UBR2: variants seen among roughly 807,000 people sequenced by gnomAD.
UBR2 encodes E3 ubiquitin-protein ligase UBR2.
A neutral mutation model predicts 247.9 loss-of-function variants in UBR2; 92 were observed. The observed-to-expected ratio is 0.37, with a 90% CI of 0.31 to 0.44. The LOEUF is 0.44. Among genes scored for constraint, UBR2 ranks in the 20% least tolerant of loss-of-function variants. The pLI is 1.00. For missense variants in UBR2, 1,613 were observed against 2,112.6 expected (o/e 0.76, Z 4.64); for synonymous variants, 672 against 693.5 (o/e 0.97, Z 0.49).
At chr6:42,568,368 G>A (rs1449262508) in intron 1 of UBR2, among the ~76,000 whole-genome samples, 1 of 149,034 alleles carries the variant, frequency 6.7e-6, no homozygotes, top group Non-Finnish European at 1.5e-5. Context: ...TGGATATTTC[G>A]TATAAATGGA....
At chr6:42,571,242 CAAAAAAAAAAAA>C (rs774925925) in intron 1 of UBR2, among the ~76,000 whole-genome samples, 1 of 39,136 alleles carries the variant, frequency 2.6e-5, no homozygotes, top group Non-Finnish European at 4.8e-5. Flanking sequence ...GACTCCGTCT[CAAAAAAAAAAAA>C]AAAAAAAAAA....
chr6:42,670,471 GT>G (rs1412606893), intron 35 of UBR2, among the ~76,000 whole-genome samples, 188 bp from the exon 36 acceptor site: 2 of 152,198 alleles, frequency 1.3e-5, no homozygotes, highest in Non-Finnish European at 2.9e-5. Flanking sequence ...CTTCTTGTCA[GT>G]TGAAGGAATG....
At position 42,642,466 on chromosome 6, in the gene UBR2, T is replaced by C. The variant is rs767468486; in HGVS notation, c.2082T>C (p.Asp694=). 1 of 1,611,218 alleles carries C rather than the reference T, an allele frequency of 6.2e-7. No homozygotes were observed. ...GCAGACGTGAGATGTTTGACAAGGA[T>C]GTAGTAATGCTTCAGGTAATGAATT... ...VKCRREMFDK[D]VVMLQTGVSM... Residue 694 remains aspartate, a synonymous_variant, in exon 18 of 47, where the codon GAT becomes GAC. Transcript: ENST00000372901.
At chr6:42,641,485 TA>T in intron 16 of UBR2, 96 bp from the exon 17 acceptor site, 1 of 767,170 alleles carries the variant, frequency 1.3e-6, no homozygotes, top group Non-Finnish European at 2.1e-6. Flanking sequence ...TTGTGTTTTA[TA>T]AAAGCATTTA....
intron 17 of UBR2, among the ~76,000 whole-genome samples, 193 bp downstream of exon 17, chr6:42,641,885 A>G (rs58401779): frequency 0.015 from 2,345 of 152,348 alleles, 49 homozygotes; most frequent in African/African-American, 0.055. Flanking sequence ...AAAAGTAGAA[A>G]TGAACAACAG....
chr6:42,684,348 G>A (rs528532907), intron 43 of UBR2, among the ~76,000 whole-genome samples: 15 of 152,054 alleles, frequency 9.9e-5, no homozygotes, highest in Non-Finnish European at 2.1e-4. Context: ...AGGCCGAGGC[G>A]GGCAGATCAC....
chr6:42,595,998 C>A (rs1008320787), intron 4 of UBR2, among the ~76,000 whole-genome samples: 1 of 148,822 alleles, frequency 6.7e-6, no homozygotes, highest in Non-Finnish European at 1.5e-5. Flanking sequence ...AAATACAGGA[C>A]AAATAAAGAT....
intron 13 of UBR2, among the ~76,000 whole-genome samples, 159 bp downstream of exon 13, chr6:42,633,063 G>GTAC (rs1329155610): frequency 6.8e-6 from 1 of 146,304 alleles, no homozygotes; most frequent in Non-Finnish European, 1.5e-5. Flanking sequence ...CAACCATAGT[G>GTAC]TACTATACCT....
intron 44 of UBR2, among the ~76,000 whole-genome samples, chr6:42,687,430 G>A (rs6904192): frequency 0.27 from 41,625 of 152,114 alleles, 5,731 homozygotes; most frequent in Non-Finnish European, 0.29. Context: ...CCAAGATGGC[G>A]GCAGTACAGT....
In UBR2 at chr6:42,650,357, T is replaced by C; in HGVS notation, c.2536T>C (p.Tyr846His). 2 of 1,614,010 alleles carry C rather than the reference T, an allele frequency of 1.2e-6. No individual in the cohort carries two copies. Among genetic ancestry groups the C allele is most frequent in the Non-Finnish European group, 8.5e-7 (1 of 1,179,898 alleles). ...TGCCAAAGAGTTCAACTTGTATTTC[T>C]ATCACTTTTCAAGGGCAGAACAGTC... ...ECAKEFNLYF[Y>H]HFSRAEQSKA... The change falls in exon 23 of 47, where the codon TAT becomes CAT. Residue 846 changes from tyrosine to histidine, a missense_variant. Physicochemically the swap from Tyr to His is moderately conservative, Grantham distance 83 (BLOSUM62 2). This residue lies in a region of UBR2 where 1,524 missense variants were observed against 1,967.3 expected (regional missense o/e 0.77). Transcript: ENST00000372901.
chr6:42,670,736 G>A (rs1367804900), intron 36 of UBR2, 21 bp downstream of exon 36: 48 of 1,591,576 alleles, frequency 3.0e-5, no homozygotes, highest in Non-Finnish European at 3.9e-5. Flanking sequence ...AGTTTATTCA[G>A]TTCATGATAG....
chr6:42,672,720 T>G (rs1262550798), intron 36 of UBR2, among the ~76,000 whole-genome samples: 1 of 152,152 alleles, frequency 6.6e-6, no homozygotes, highest in Non-Finnish European at 1.5e-5. Context: ...CTGTTCAAGC[T>G]TTCCCTTCCC....
intron 32 of UBR2, chr6:42,664,230 A>C (rs1797984101): frequency 6.6e-6 from 1 of 152,218 alleles, no homozygotes; most frequent in African/African-American, 2.4e-5. Context: ...GCTCTTTCAC[A>C]AGGATGACAC....
At chr6:42,649,136 T>G (rs777208919) in intron 22 of UBR2, among the ~76,000 whole-genome samples, 1 of 152,176 alleles carries the variant, frequency 6.6e-6, no homozygotes, top group Non-Finnish European at 1.5e-5. Flanking sequence ...GCCTCCCAAG[T>G]AGCTGGGATT....
intron 2 of UBR2, among the ~76,000 whole-genome samples, chr6:42,584,835 T>C (rs147951761): frequency 6.1e-4 from 93 of 152,032 alleles, no homozygotes; most frequent in African/African-American, 2.2e-3. Context: ...GTTTCTGATA[T>C]TAACTTTTAC....
intron 2 of UBR2, among the ~76,000 whole-genome samples, chr6:42,577,156 C>T (rs1175923654): frequency 6.6e-6 from 1 of 152,068 alleles, no homozygotes; most frequent in Admixed American, 6.6e-5. Context: ...TAAAATGACA[C>T]GGAGTCTGTT....
intron 8 of UBR2, among the ~76,000 whole-genome samples, chr6:42,614,095 T>C (rs1057280842): frequency 3.4e-5 from 5 of 146,456 alleles, no homozygotes; most frequent in Non-Finnish European, 7.4e-5. Context: ...AGGAATTGCG[T>C]GAACCCAGGA....
chr6:42,580,065 A>G (rs1562280136), intron 2 of UBR2, among the ~76,000 whole-genome samples: 1 of 152,148 alleles, frequency 6.6e-6, no homozygotes, highest in African/African-American at 2.4e-5. Flanking sequence ...GTAGCAAACA[A>G]TGCTGCAAGG....
In UBR2 at chr6:42,580,258, G is replaced by A. The variant is rs141442415; in HGVS notation, c.338+6265G>A. Among the ~76,000 whole-genome samples the A allele has an allele frequency of 7.0e-4, 107 of 152,288 alleles. 2 individuals carry two copies. The East Asian group carries it at 0.019, about 28-fold the overall frequency. On this transcript the variant is annotated intron_variant, in intron 2 of 46. Coordinates refer to ENST00000372901, the MANE Select transcript of UBR2 (RefSeq NM_001363705.2). Reference sequence around the variant, plus strand: ...CTTCTAGATAATTTAGATTTCTGTAGTTGTCTAAAATGAGTCTTATGTTCT... The same window carrying A: ...CTTCTAGATAATTTAGATTTCTGTAATTGTCTAAAATGAGTCTTATGTTCT...
Sources: allele counts gnomAD v4.1 joint callset (sites outside exome capture counted in the v4.1 genomes callset), GRCh38; gene constraint gnomAD v4.1.1; regional missense constraint gnomAD v4.1.1; transcripts MANE v1.5; gene names NCBI Gene and HGNC (gene_info 2026-07-23, HGNC 2026-07-21).